PLEKHH1: variants seen among roughly 807,000 people sequenced by gnomAD.
PLEKHH1 encodes the protein pleckstrin homology domain-containing family H member 1.
Under a neutral mutation model 160.0 loss-of-function variants are expected in PLEKHH1, and 104 were observed. The ratio of observed to expected loss-of-function variants is 0.65; its 90% CI spans 0.55 to 0.76. The LOEUF (loss-of-function observed/expected upper bound fraction) is 0.76. Among genes scored for constraint, PLEKHH1 ranks in the 30% least tolerant of loss-of-function variants. The probability of loss-of-function intolerance (pLI) is 0.00; values close to 1 mark genes in which losing one functional copy is unlikely to be tolerated. For missense variants in PLEKHH1, 1,427 were observed against 1,724.1 expected (o/e 0.83, Z 3.05); for synonymous variants, 619 against 678.4 (o/e 0.91, Z 1.36).
chr14:67,577,295 TG>T lies in PLEKHH1; in HGVS notation c.2462-4del. 6.4e-7 allele frequency: 1 copy of T among 1,553,166 alleles called. No homozygotes were observed. The highest frequency in any genetic ancestry group is 8.7e-7 in the Non-Finnish European group (1 of 1,147,306). The stretch of plus-strand genomic sequence containing the variant: ...GCCCTTGCTCTCTGGTTCCGTGCTT[TG>T]GGCAGATTCGCCGCTCTGGAGGCAC... On this transcript the variant is annotated splice_region_variant and splice_polypyrimidine_tract_variant and intron_variant, in intron 17 of 28. Coordinates refer to ENST00000329153, the MANE Select transcript of PLEKHH1 (RefSeq NM_020715.3).
At chr14:67,555,109 G>C (rs1188301657) in intron 2 of PLEKHH1, among the ~76,000 whole-genome samples, 1 of 152,118 alleles carries the variant, frequency 6.6e-6, no homozygotes, top group East Asian at 1.9e-4. Context: ...GTAGAGATGA[G>C]GTCTTGATAT....
At chr14:67,560,095 C>G (rs1005505980) in intron 5 of PLEKHH1, among the ~76,000 whole-genome samples, 1 of 152,164 alleles carries the variant, frequency 6.6e-6, no homozygotes, top group African/African-American at 2.4e-5. Flanking sequence ...GGCGCAATCT[C>G]GGCTTACCGC....
At chr14:67,556,506 G>A (rs192307014) in intron 3 of PLEKHH1, among the ~76,000 whole-genome samples, 2 of 152,132 alleles carry the variant, frequency 1.3e-5, no homozygotes, top group Admixed American at 1.3e-4. Context: ...TTGAACTCCT[G>A]GGGTTTAAGC....
rs756225591 is a variant in PLEKHH1, at chr14:67,574,323, C to T, written c.2008C>T (p.Leu670=). 7 of 1,604,826 alleles carry T rather than the reference C, an allele frequency of 4.4e-6. No individual in the cohort carries two copies. The South Asian group carries it at 6.7e-5, about 15-fold the overall frequency. Residue 670 remains leucine (L), a synonymous_variant, in exon 14 of 29, where the codon CTG becomes TTG. Coordinates refer to ENST00000329153, the MANE Select transcript of PLEKHH1 (RefSeq NM_020715.3). This position sits in a 1 kb window ranked among gnomAD's most constrained non-coding sequence, Gnocchi z 4.2. ...LEEWIRVLQS[L]LKVQATGPPA... is the part of the protein sequence containing the mutation. ...GGAGTGGATCCGAGTACTCCAGAGC[C>T]TGCTGAAGGTGCAGGCCACCGGGCC...
chr14:67,546,828 A>C (rs755037100), intron 2 of PLEKHH1, among the ~76,000 whole-genome samples: 2 of 152,020 alleles, frequency 1.3e-5, no homozygotes, highest in Non-Finnish European at 2.9e-5. Context: ...ATCACACTAC[A>C]CTCCAGCCTG....
intron 2 of PLEKHH1, among the ~76,000 whole-genome samples, chr14:67,548,370 T>G (rs1243589077): frequency 6.6e-6 from 1 of 152,154 alleles, no homozygotes; most frequent in Non-Finnish European, 1.5e-5. Context: ...CCTATCTGCT[T>G]CTTTATGCCA....
chr14:67,555,634 C>G (rs1379918908), intron 2 of PLEKHH1, among the ~76,000 whole-genome samples, 191 bp from the exon 3 acceptor site: 1 of 152,188 alleles, frequency 6.6e-6, no homozygotes, highest in African/African-American at 2.4e-5. Flanking sequence ...TTCACCTGCC[C>G]CATGAACTCA....
intron 4 of PLEKHH1, among the ~76,000 whole-genome samples, chr14:67,557,801 G>A (rs1366202615): frequency 6.6e-6 from 1 of 152,220 alleles, no homozygotes; most frequent in African/African-American, 2.4e-5. Flanking sequence ...TGTGCCTAGT[G>A]TCAGGCACGT....
intron 7 of PLEKHH1, 48 bp downstream of exon 7, chr14:67,562,942 G>T: frequency 6.4e-7 from 1 of 1,562,080 alleles, no homozygotes; most frequent in South Asian, 1.2e-5. Context: ...CTAATGGCAA[G>T]AACACTGCTG....
intron 26 of PLEKHH1, 133 bp downstream of exon 26, chr14:67,584,257 G>A: frequency 1.2e-6 from 1 of 859,456 alleles, no homozygotes; most frequent in Non-Finnish European, 1.8e-6. Context: ...CACTGTTTCT[G>A]GCCTAGTCCA....
chr14:67,581,344 G>C (rs765627568), intron 23 of PLEKHH1, among the ~76,000 whole-genome samples: 3 of 151,982 alleles, frequency 2.0e-5, no homozygotes, highest in Admixed American at 6.5e-5. Context: ...GGGCAACATG[G>C]CAAAACCCCA....
chr14:67,557,726 A>G (rs2034652486), intron 4 of PLEKHH1, among the ~76,000 whole-genome samples: 1 of 152,212 alleles, frequency 6.6e-6, no homozygotes, highest in Non-Finnish European at 1.5e-5. Flanking sequence ...TTCTTATTTT[A>G]CACATTTATA....
Position 67,576,552 on chromosome 14 carries a change from G to T in PLEKHH1, c.2461+49G>T. ...GCTTGGGTTGGAGGGTAGTGGCTTG[G>T]TGACTATTGGTCAAGATCCCAAAGA... On this transcript the variant is annotated intron_variant, in intron 17 of 28. Transcript: ENST00000329153. This position sits in a 1 kb window ranked among gnomAD's most constrained non-coding sequence, Gnocchi z 4.0. The T allele has an allele frequency of 1.1e-6, 1 of 906,218 alleles. No homozygotes were observed. The highest frequency in any genetic ancestry group is 1.8e-6 in the Non-Finnish European group (1 of 541,952). 56.1% of individuals were successfully genotyped at this position (906,218 alleles called of 1,614,324 possible).
At chr14:67,572,497 C>T (rs1401319151) in intron 11 of PLEKHH1, among the ~76,000 whole-genome samples, 2 of 152,152 alleles carry the variant, frequency 1.3e-5, no homozygotes, top group African/African-American at 2.4e-5. Context: ...TCCTGGAATA[C>T]CAGCAATGGC....
At chr14:67,554,974 G>A (rs1179184214) in intron 2 of PLEKHH1, among the ~76,000 whole-genome samples, 1 of 152,096 alleles carries the variant, frequency 6.6e-6, no homozygotes, top group East Asian at 1.9e-4. Context: ...GTGCAGTGGT[G>A]CCATCTCAGC....
chr14:67,555,528 T>C (rs1252203235), intron 2 of PLEKHH1, among the ~76,000 whole-genome samples: 1 of 152,060 alleles, frequency 6.6e-6, no homozygotes, highest in Non-Finnish European at 1.5e-5. Flanking sequence ...TCAGGAAGAA[T>C]GACAGTGGAG....
intron 5 of PLEKHH1, among the ~76,000 whole-genome samples, chr14:67,560,564 C>T (rs961812292): frequency 3.3e-5 from 5 of 152,164 alleles, no homozygotes; most frequent in African/African-American, 1.2e-4. Flanking sequence ...CTCTATTCCA[C>T]CTTCCCTCTC....
intron 7 of PLEKHH1, among the ~76,000 whole-genome samples, chr14:67,563,618 A>C (rs923460530): frequency 6.7e-6 from 1 of 150,302 alleles, no homozygotes; most frequent in Admixed American, 6.6e-5. Flanking sequence ...TTTTTAGTAG[A>C]GGCAGGGTTT....
At chr14:67,572,419 G>C (rs1163885491) in intron 11 of PLEKHH1, 142 bp downstream of exon 11, 2 of 645,730 alleles carry the variant, frequency 3.1e-6, no homozygotes, top group South Asian at 1.9e-5. Flanking sequence ...GCGTGGGCTG[G>C]GGGGGTGTAC....
Sources: gnomAD v4.1 joint callset for allele counts (sites outside exome capture counted in the v4.1 genomes callset) on GRCh38, gnomAD v4.1.1 for gene constraint, Gnocchi (gnomAD v3.1) non-coding constraint, MANE v1.5 for transcripts, NCBI Gene and HGNC (gene_info 2026-07-23, HGNC 2026-07-21) for gene names.